The following GRIP1 variants were observed in gnomAD, a reference collection of about 807,000 sequenced individuals.
GRIP1 encodes glutamate receptor interacting protein 1.
Under a neutral mutation model 129.9 loss-of-function variants are expected in GRIP1, and 45 were observed. The observed-to-expected ratio is 0.35, with a 90% CI of 0.27 to 0.44. The LOEUF is 0.44. Among genes scored for constraint, GRIP1 ranks in the 20% least tolerant of loss-of-function variants. The probability of loss-of-function intolerance (pLI) is 1.00; values close to 1 mark genes in which losing one functional copy is unlikely to be tolerated. For synonymous variants in GRIP1, 530 were observed against 520.8 expected, an observed-to-expected ratio of 1.02 and a Z score of -0.24; for missense variants, 1,196 against 1,396.8, an observed-to-expected ratio of 0.86 and a Z score of 2.29.
At chr12:66,824,431 T>C (rs1381413100) in intron 1 of GRIP1, among the ~76,000 whole-genome samples, 1 of 152,172 alleles carries the variant, frequency 6.6e-6, no homozygotes, top group Non-Finnish European at 1.5e-5. Flanking sequence ...GCCTGAAGCA[T>C]TTTACTGGGT....
At chr12:66,506,390 T>C (rs1430189856) in intron 7 of GRIP1, among the ~76,000 whole-genome samples, 2 of 152,168 alleles carry the variant, frequency 1.3e-5, no homozygotes, top group East Asian at 3.8e-4. Context: ...GACAACAATA[T>C]GATACAATCT....
chr12:66,384,943 A>G (rs1029099663), intron 19 of GRIP1, among the ~76,000 whole-genome samples: 3 of 152,252 alleles, frequency 2.0e-5, no homozygotes, highest in Non-Finnish European at 2.9e-5. Flanking sequence ...GGAATATCTG[A>G]GGAAAATTAT....
chr12:66,848,348 T>C (rs1213069467), intron 1 of GRIP1, among the ~76,000 whole-genome samples: 5 of 152,124 alleles, frequency 3.3e-5, no homozygotes, highest in Non-Finnish European at 7.4e-5. Context: ...AAGAAGTTAC[T>C]GCACATTTCC....
At chr12:66,462,004 A>AT (rs1238999556) in intron 9 of GRIP1, among the ~76,000 whole-genome samples, 1 of 152,164 alleles carries the variant, frequency 6.6e-6, no homozygotes, top group African/African-American at 2.4e-5. Context: ...ACTTCATTTG[A>AT]TTTGGGGCTC....
intron 16 of GRIP1, among the ~76,000 whole-genome samples, chr12:66,397,359 A>G (rs1273053464): frequency 6.6e-6 from 1 of 151,860 alleles, no homozygotes; most frequent in Non-Finnish European, 1.5e-5. Flanking sequence ...CTAAAAATAC[A>G]AAAATTAGCC....
chr12:66,946,774 G>C (rs2041675161), intron 1 of GRIP1, among the ~76,000 whole-genome samples: 1 of 80,774 alleles, frequency 1.2e-5, no homozygotes, highest in Non-Finnish European at 2.2e-5. Flanking sequence ...GTCGGGGGGT[G>C]GGGTGGGGGA....
At position 66,456,269 on chromosome 12, in the gene GRIP1, G is replaced by C. The variant is rs1462650543; in HGVS notation, c.1116C>G (p.Asn372Lys). The C allele has an allele frequency of 7.8e-7, 1 of 1,289,542 alleles. No homozygotes were observed. Among genetic ancestry groups the C allele is most frequent in the East Asian group, 5.6e-5 (1 of 18,016 alleles). The allele number at this position is 1,289,542 out of a possible 1,614,324, so 79.9% of individuals were successfully genotyped here. Reference protein sequence around the residue: ...WASNHSSLHTNHHYNTYHPDH... With the variant: ...WASNHSSLHTKHHYNTYHPDH... ...CAGGGTGGTACGTGTTATAGTGATG[G>C]TTGGTGTGAAGGCTGCTGTGGTTGC... The change falls in exon 10 of 25, where the codon AAC becomes AAG. Residue 372 changes from asparagine (N) to lysine (K), a missense_variant. Physicochemically the swap from Asn to Lys is moderately conservative, Grantham distance 94 (BLOSUM62 0). This residue lies in a region of GRIP1 where 508 missense variants were observed against 587.0 expected (regional missense o/e 0.87). Transcript: ENST00000359742.
At chr12:66,557,905 A>C (rs941842455) in intron 2 of GRIP1, among the ~76,000 whole-genome samples, 4 of 152,186 alleles carry the variant, frequency 2.6e-5, no homozygotes, top group African/African-American at 9.6e-5. Flanking sequence ...ATCTTAAAGA[A>C]CTAGAAAAGC....
At chr12:66,605,105 G>C (rs2064459696) in intron 1 of GRIP1, among the ~76,000 whole-genome samples, 1 of 150,440 alleles carries the variant, frequency 6.6e-6, no homozygotes, top group Non-Finnish European at 1.5e-5. Flanking sequence ...AGTAAATTTA[G>C]GGGAAAATTT....
At position 66,413,143 on chromosome 12, in the gene GRIP1, C is replaced by T. The variant is rs141758468; in HGVS notation, c.1839-6715G>A. 2.4e-3 allele frequency among the ~76,000 whole-genome samples: 359 copies of T among 152,232 alleles called. 3 individuals are homozygous for T. The highest frequency in any genetic ancestry group is 8.2e-3 in the African/African-American group (342 of 41,548). On this transcript the variant is annotated intron_variant, in intron 15 of 24. Coordinates refer to ENST00000359742, the MANE Select transcript of GRIP1 (RefSeq NM_001366722.1). ...ATCTACAGAACTCTCCACCCCAAAA[C>T]GACAGAATATACATTCTTCTCATTG...
chr12:66,644,435 A>G (rs200592337), intron 1 of GRIP1, among the ~76,000 whole-genome samples: 4 of 152,228 alleles, frequency 2.6e-5, no homozygotes, highest in Non-Finnish European at 5.9e-5. Flanking sequence ...TGACTGCTCC[A>G]CAGCCTCTTC....
intron 1 of GRIP1, among the ~76,000 whole-genome samples, chr12:66,917,284 T>C (rs2041139115): frequency 6.6e-6 from 1 of 152,182 alleles, no homozygotes; most frequent in Non-Finnish European, 1.5e-5. Flanking sequence ...CAAAACTCAG[T>C]AACCAATAAT....
chr12:66,577,182 T>C (rs147958987), intron 2 of GRIP1, among the ~76,000 whole-genome samples: 3 of 152,286 alleles, frequency 2.0e-5, no homozygotes, highest in African/African-American at 7.2e-5. Flanking sequence ...CAAGAGATGA[T>C]AGATGTATTC....
chr12:66,888,435 C>T (rs151103254), intron 1 of GRIP1, among the ~76,000 whole-genome samples: 6 of 152,212 alleles, frequency 3.9e-5, no homozygotes, highest in African/African-American at 9.6e-5. Context: ...TCTCAGCTCA[C>T]TGTAACCTCT....
chr12:66,535,216 A>AG (rs1370537197), intron 4 of GRIP1, among the ~76,000 whole-genome samples: 2 of 152,174 alleles, frequency 1.3e-5, no homozygotes, highest in African/African-American at 4.8e-5. Flanking sequence ...TCTTTTAGGA[A>AG]GGGGTTGTGT....
At chr12:66,685,165 G>C (rs1462836483) in intron 1 of GRIP1, among the ~76,000 whole-genome samples, 1 of 152,094 alleles carries the variant, frequency 6.6e-6, no homozygotes, top group Non-Finnish European at 1.5e-5. Flanking sequence ...CTTGTTCTAG[G>C]CACTGAGGTT....
chr12:66,366,848 T>A (rs890002755), intron 23 of GRIP1, among the ~76,000 whole-genome samples: 1 of 111,306 alleles, frequency 9.0e-6, no homozygotes, highest in African/African-American at 3.4e-5. Flanking sequence ...CACGCCCGGC[T>A]AATTTTTTCA....
intron 1 of GRIP1, among the ~76,000 whole-genome samples, chr12:67,023,545 C>T (rs1250962739): frequency 6.6e-6 from 1 of 152,014 alleles, no homozygotes; most frequent in East Asian, 1.9e-4. Context: ...ATGATATATG[C>T]TAAATCAGTT....
At chr12:66,611,533 T>A (rs1032034262) in intron 1 of GRIP1, among the ~76,000 whole-genome samples, 10 of 152,154 alleles carry the variant, frequency 6.6e-5, no homozygotes, top group Non-Finnish European at 1.0e-4. Context: ...ATAATTAAGA[T>A]GAAATATAAT....
Sources: gnomAD v4.1 joint callset for allele counts (sites outside exome capture counted in the v4.1 genomes callset) on GRCh38, gnomAD v4.1.1 for gene constraint, gnomAD v4.1.1 regional missense constraint, MANE v1.5 for transcripts, NCBI Gene and HGNC (gene_info 2026-07-23, HGNC 2026-07-21) for gene names.